The following JMJD1C variants were observed in gnomAD, a reference collection of about 807,000 sequenced individuals.
JMJD1C encodes the protein jumonji domain-containing protein 1C.
JMJD1C carries 31 observed loss-of-function variants against 245.3 expected under a neutral mutation model. The ratio of observed to expected loss-of-function variants is 0.13; its 90% CI spans 0.09 to 0.17. JMJD1C has a LOEUF of 0.17. Among genes scored for constraint, JMJD1C ranks in the 10% least tolerant of loss-of-function variants. JMJD1C has a pLI of 1.00. For synonymous variants in JMJD1C, 1,057 were observed against 1,017.4 expected, an observed-to-expected ratio of 1.04 and a Z score of -0.74; for missense variants, 2,691 against 3,000.2, an observed-to-expected ratio of 0.90 and a Z score of 2.41.
chr10:63,380,185 T>C (rs7477425), intron 2 of JMJD1C, 133 bp downstream of exon 2: 805,648 of 808,964 alleles, frequency 1, 401,246 homozygotes, highest in East Asian at 1. Flanking sequence ...TTCAAGCAAT[T>C]GTCCTGCTTC....
intron 1 of JMJD1C, among the ~76,000 whole-genome samples, chr10:63,440,243 G>A (rs548968619): frequency 6.6e-6 from 1 of 151,944 alleles, no homozygotes; most frequent in African/African-American, 2.4e-5. Context: ...GCTGAGGCAG[G>A]AGAATCGCTT....
chr10:63,169,457 A>G (rs759948210), intron 24 of JMJD1C, among the ~76,000 whole-genome samples: 13 of 152,200 alleles, frequency 8.5e-5, no homozygotes, highest in Non-Finnish European at 1.6e-4. Flanking sequence ...CTAAGCATTT[A>G]AAGTTACTCT....
chr10:63,208,315 G>A lies in JMJD1C; in HGVS notation c.3354C>T (p.Tyr1118=), dbSNP rs758928810. The change falls in exon 10 of 26, where the codon TAC becomes TAT. Residue 1118 remains tyrosine, a synonymous_variant. Transcript: ENST00000399262. ...CAAGGGCATTACTCTGTTTATCACCGTAAATATTTGAAACTTCTTTGGATG... is the reference window on the plus strand; with the variant it reads ...CAAGGGCATTACTCTGTTTATCACCATAAATATTTGAAACTTCTTTGGATG... ...SYPSKEVSNI[Y]GDKQSNALAA... is the part of the protein sequence containing the mutation. The A allele has an allele frequency of 1.5e-5, 24 of 1,614,058 alleles. No homozygotes were observed. The highest frequency in any genetic ancestry group is 6.7e-5 in the East Asian group (3 of 44,874).
intron 1 of JMJD1C, among the ~76,000 whole-genome samples, chr10:63,389,318 AAAAAAAAAAAG>A (rs1479821552): frequency 6.7e-6 from 1 of 150,230 alleles, no homozygotes; most frequent in South Asian, 2.1e-4. Context: ...TCTCAAAAAA[AAAAAAAAAAAG>A]AAAAAGAAAA....
Position 63,410,360 on chromosome 10 carries a change from C to T in JMJD1C, c.169-29878G>A, listed in dbSNP as rs138324359. On this transcript the variant is annotated intron_variant, in intron 1 of 25. Coordinates refer to ENST00000399262, the MANE Select transcript of JMJD1C (RefSeq NM_032776.3). Reference sequence around the variant, plus strand: ...CATCTTTTTGTGATCTCTACTTAGTCTAACATGATCTACTATTTCTAAAGT... The same window carrying T: ...CATCTTTTTGTGATCTCTACTTAGTTTAACATGATCTACTATTTCTAAAGT... 2.4e-3 allele frequency among the ~76,000 whole-genome samples: 372 copies of T among 152,244 alleles called. 3 individuals carry two copies. In the South Asian group the frequency reaches 0.029, roughly 12 times the overall value.
At chr10:63,340,176 G>A (rs1229353953) in intron 2 of JMJD1C, among the ~76,000 whole-genome samples, 2 of 152,186 alleles carry the variant, frequency 1.3e-5, no homozygotes, top group Admixed American at 6.5e-5. Context: ...CTGACCTCAT[G>A]TGACAATTCA....
chr10:63,370,551 C>T (rs569218557), intron 2 of JMJD1C, among the ~76,000 whole-genome samples: 1 of 152,160 alleles, frequency 6.6e-6, no homozygotes, highest in African/African-American at 2.4e-5. Context: ...TATTATGCTA[C>T]CTTCCTTGAT....
Position 63,259,838 on chromosome 10 carries a change from A to C in JMJD1C, c.447+4813T>G, listed in dbSNP as rs1006208775. On this transcript the variant is annotated intron_variant, in intron 3 of 25. Coordinates refer to ENST00000399262, the MANE Select transcript of JMJD1C (RefSeq NM_032776.3). ...TAAAGTACTGTAGTTCAATGTCCAT[A>C]CTCTACAATGATAGAACTGTAGTAT... 7.2e-5 allele frequency among the ~76,000 whole-genome samples: 11 copies of C among 152,296 alleles called. No individual in the cohort carries two copies. In the East Asian group the frequency reaches 1.9e-3, roughly 27 times the overall value.
At chr10:63,409,998 A>T (rs890801975) in intron 1 of JMJD1C, among the ~76,000 whole-genome samples, 29 of 152,248 alleles carry the variant, frequency 1.9e-4, no homozygotes, top group African/African-American at 7.0e-4. Flanking sequence ...CCTGGCACAG[A>T]GGAAGTAATA....
chr10:63,420,952 A>C (rs1410383876), intron 1 of JMJD1C, among the ~76,000 whole-genome samples: 1 of 152,162 alleles, frequency 6.6e-6, no homozygotes, highest in African/African-American at 2.4e-5. Context: ...TATTATTGAA[A>C]CTGATAACTT....
In JMJD1C at chr10:63,229,919, A is replaced by G. The variant is rs914949862; in HGVS notation, c.448-9936T>C. The stretch of plus-strand genomic sequence containing the variant: ...AAAAGGCTATTTTAAAAAACCCAAA[A>G]TAGGTTTAGGTTTTTTTCCTAAAAA... On this transcript the variant is annotated intron_variant, in intron 3 of 25. Transcript: ENST00000399262. Among the ~76,000 whole-genome samples, 3 of 152,214 alleles carry G rather than the reference A, an allele frequency of 2.0e-5. No individual in the cohort carries two copies. The South Asian group carries it at 6.2e-4, about 31-fold the overall frequency.
intron 1 of JMJD1C, among the ~76,000 whole-genome samples, chr10:63,482,550 C>T (rs1159394142): frequency 1.3e-5 from 2 of 152,056 alleles, no homozygotes; most frequent in African/African-American, 2.4e-5. Flanking sequence ...GCAGGAGAAT[C>T]GCTTGAACTC....
At chr10:63,352,654 AAAAAAT>A (rs1052342377) in intron 2 of JMJD1C, among the ~76,000 whole-genome samples, 2 of 152,000 alleles carry the variant, frequency 1.3e-5, no homozygotes, top group African/African-American at 4.8e-5. Context: ...AAAAAAAAAA[AAAAAAT>A]TTAAACTGGA....
chr10:63,237,441 T>C (rs897898337), intron 3 of JMJD1C, among the ~76,000 whole-genome samples: 8 of 152,234 alleles, frequency 5.3e-5, no homozygotes, highest in Non-Finnish European at 8.8e-5. Context: ...TTTTAGCATA[T>C]AGTGCTATGG....
chr10:63,394,417 A>C (rs1018701401), intron 1 of JMJD1C, among the ~76,000 whole-genome samples: 1 of 152,228 alleles, frequency 6.6e-6, no homozygotes, highest in Non-Finnish European at 1.5e-5. Flanking sequence ...AATCCATACT[A>C]TATACAAAAA....
chr10:63,367,974 C>T (rs1282125888), intron 2 of JMJD1C, among the ~76,000 whole-genome samples: 1 of 152,158 alleles, frequency 6.6e-6, no homozygotes, highest in Non-Finnish European at 1.5e-5. Flanking sequence ...AAACAGAATA[C>T]ATATAAATCT....
At chr10:63,517,197 A>G (rs889473454) in intron 1 of JMJD1C, among the ~76,000 whole-genome samples, 19 of 152,314 alleles carry the variant, frequency 1.2e-4, no homozygotes, top group African/African-American at 4.1e-4. Context: ...ATCAGACATT[A>G]TCTTTGTACC....
intron 2 of JMJD1C, among the ~76,000 whole-genome samples, chr10:63,341,280 C>T (rs184630857): frequency 6.6e-6 from 1 of 152,332 alleles, no homozygotes; most frequent in African/African-American, 2.4e-5. Flanking sequence ...AATTCATTGA[C>T]AAATTTGCCA....
intron 2 of JMJD1C, among the ~76,000 whole-genome samples, chr10:63,306,469 C>T (rs1938251327): frequency 6.6e-6 from 1 of 152,036 alleles, no homozygotes. Flanking sequence ...CTCCAGTAAC[C>T]CACAATTTTG....
Sources: allele counts gnomAD v4.1 joint callset (sites outside exome capture counted in the v4.1 genomes callset), GRCh38; gene constraint gnomAD v4.1.1; transcripts MANE v1.5; gene names NCBI Gene and HGNC (gene_info 2026-07-23, HGNC 2026-07-21).